Variants in PLCG2 observed in about 807,000 individuals in gnomAD.
The protein encoded by PLCG2 is 1-phosphatidylinositol 4,5-bisphosphate phosphodiesterase gamma-2.
PLCG2 carries 69 observed loss-of-function variants against 175.6 expected under a neutral mutation model. The ratio of observed to expected loss-of-function variants is 0.39; its 90% CI spans 0.32 to 0.48. The LOEUF (loss-of-function observed/expected upper bound fraction) is 0.48. Among genes scored for constraint, PLCG2 ranks in the 20% least tolerant of loss-of-function variants. PLCG2 has a pLI of 0.91. For missense variants in PLCG2, 1,798 were observed against 1,650.9 expected (o/e 1.09, Z -1.54); for synonymous variants, 827 against 624.0 (o/e 1.33, Z -4.85).
intron 2 of PLCG2, among the ~76,000 whole-genome samples, chr16:81,765,554 C>T (rs1352411029): frequency 6.6e-6 from 1 of 152,244 alleles, no homozygotes; most frequent in African/African-American, 2.4e-5. Context: ...TTGCTTGGAC[C>T]CGAGAAGCAG....
intron 7 of PLCG2, among the ~76,000 whole-genome samples, chr16:81,872,877 G>A (rs1005781856): frequency 2.6e-5 from 4 of 152,226 alleles, no homozygotes; most frequent in Admixed American, 6.5e-5. Context: ...AATGTTCCTA[G>A]AAGACAGTCA....
rs543220131 is a variant in PLCG2 at position 81,750,663 on chromosome 16, A to ATTTTTTTTTTTTTTTTTTTTTTTTTTTT, written c.-144-5185_-144-5184insTTTTTTTTTTTTTTTTTTTTTTTTTTTT. On this transcript the variant is annotated intron_variant, in intron 1 of 5. Transcript: ENST00000565054. ...TTAAAAAGCAGAATGGGGACTGGAGATTTTTTTTTTTTTTTTTTTTTTGAG... is the reference window on the plus strand; with the variant it reads ...TTAAAAAGCAGAATGGGGACTGGAGATTTTTTTTTTTTTTTTTTTTTTTTTTTTTTTTTTTTTTTTTTTTTTTTTTGAG... Among the ~76,000 whole-genome samples the ATTTTTTTTTTTTTTTTTTTTTTTTTTTT allele has an allele frequency of 3.9e-4, 27 of 68,464 alleles. 5 individuals are homozygous for ATTTTTTTTTTTTTTTTTTTTTTTTTTTT. The highest frequency in any genetic ancestry group is 1.1e-3 in the African/African-American group (22 of 19,862). The allele number at this position is 68,464 out of a possible 152,430, so 44.9% of individuals were successfully genotyped here.
intron 2 of PLCG2, among the ~76,000 whole-genome samples, chr16:81,758,800 C>G (rs921060306): frequency 6.6e-6 from 1 of 152,048 alleles, no homozygotes; most frequent in Non-Finnish European, 1.5e-5. Context: ...GCCTCAGCCT[C>G]CCGAGTAGCT....
chr16:81,925,812 G>A (rs943770134), intron 22 of PLCG2, among the ~76,000 whole-genome samples: 5 of 151,748 alleles, frequency 3.3e-5, no homozygotes, highest in Non-Finnish European at 7.4e-5. Flanking sequence ...GCTTGAACCT[G>A]GGAGGCGAAG....
intron 30 of PLCG2, among the ~76,000 whole-genome samples, chr16:81,944,697 A>G (rs570168981): frequency 9.2e-5 from 14 of 151,996 alleles, no homozygotes; most frequent in Non-Finnish European, 1.8e-4. Context: ...GCTAGTCTTG[A>G]ATTCCTGGCT....
chr16:81,904,693 G>C (rs2143641163), intron 14 of PLCG2, among the ~76,000 whole-genome samples: 1 of 152,316 alleles, frequency 6.6e-6, no homozygotes, highest in Admixed American at 6.5e-5. Context: ...AGCACTTACT[G>C]TCTGCTAAGT....
At chr16:81,777,567 A>G (rs1036234938), upstream of PLCG2, among the ~76,000 whole-genome samples, 1 of 152,140 alleles carries the variant, frequency 6.6e-6, no homozygotes, top group Non-Finnish European at 1.5e-5. Flanking sequence ...TCTTTAAAAA[A>G]TTGATGTGTT....
chr16:81,857,196 A>G (rs1906730135), intron 3 of PLCG2, among the ~76,000 whole-genome samples: 2 of 152,300 alleles, frequency 1.3e-5, no homozygotes, highest in Non-Finnish European at 2.9e-5. Context: ...TGTCTCCGTC[A>G]TCCCTCTCTT....
intron 2 of PLCG2, among the ~76,000 whole-genome samples, chr16:81,834,744 C>T (rs917264706): frequency 6.6e-6 from 1 of 152,172 alleles, no homozygotes; most frequent in African/African-American, 2.4e-5. Flanking sequence ...CATGGCTGCC[C>T]TTTACAAGGG....
chr16:81,918,061 A>G (rs1021802592), intron 19 of PLCG2, among the ~76,000 whole-genome samples: 1 of 152,116 alleles, frequency 6.6e-6, no homozygotes, highest in Non-Finnish European at 1.5e-5. Context: ...TTTTCTTACT[A>G]TTGAGCTGTT....
chr16:81,880,762 A>G, intron 7 of PLCG2, 148 bp from the exon 8 acceptor site: 1 of 701,294 alleles, frequency 1.4e-6, no homozygotes, highest in South Asian at 1.9e-5. Flanking sequence ...ATATTTGAAT[A>G]TTTACAACTA....
At chr16:81,931,420 GC>G in intron 24 of PLCG2, 76 bp from the exon 25 acceptor site, 1 of 1,443,200 alleles carries the variant, frequency 6.9e-7, no homozygotes, top group South Asian at 1.3e-5. Context: ...GAGAGAAACA[GC>G]TCAGGCAGGG....
chr16:81,870,605 G>C (rs1215478691), intron 6 of PLCG2, among the ~76,000 whole-genome samples: 3 of 152,180 alleles, frequency 2.0e-5, no homozygotes, highest in Non-Finnish European at 4.4e-5. Flanking sequence ...TAGGGAACGT[G>C]TGGAGGGTTT....
chr16:81,836,267 A>G (rs1905510021), intron 2 of PLCG2, among the ~76,000 whole-genome samples: 1 of 152,238 alleles, frequency 6.6e-6, no homozygotes, highest in South Asian at 2.1e-4. Flanking sequence ...TCCCAAGGTC[A>G]CACAGTAAGG....
chr16:81,897,760 G>A (rs1181204787), intron 13 of PLCG2: 2 of 446,428 alleles, frequency 4.5e-6, no homozygotes, highest in Non-Finnish European at 9.0e-6. Flanking sequence ...GGCCAGGTTG[G>A]TCTTGAACTC....
At chr16:81,782,914 A>C (rs6564918) in intron 1 of PLCG2, among the ~76,000 whole-genome samples, 116,796 of 152,150 alleles carry the variant, frequency 0.77, 45,111 homozygotes, top group South Asian at 0.88. Context: ...TGAGAGTGTA[A>C]ATTCCACCCC....
At chr16:81,834,935 G>A (rs574595814) in intron 2 of PLCG2, among the ~76,000 whole-genome samples, 75 of 152,332 alleles carry the variant, frequency 4.9e-4, no homozygotes, top group African/African-American at 1.7e-3. Flanking sequence ...CTGCAAAAGT[G>A]CCAAGTCCTT....
chr16:81,946,980 G>A (rs1911177731), intron 31 of PLCG2, among the ~76,000 whole-genome samples: 1 of 152,072 alleles, frequency 6.6e-6, no homozygotes, highest in Admixed American at 6.6e-5. Flanking sequence ...ATTGCCCGGG[G>A]AAAGGGAACC....
At chr16:81,763,795 C>G (rs1312351164) in intron 2 of PLCG2, among the ~76,000 whole-genome samples, 1 of 151,410 alleles carries the variant, frequency 6.6e-6, no homozygotes, top group Non-Finnish European at 1.5e-5. Flanking sequence ...GGTGAAACCC[C>G]ATCTCTACTA....
Sources: allele counts gnomAD v4.1 joint callset (sites outside exome capture counted in the v4.1 genomes callset), GRCh38; gene constraint gnomAD v4.1.1; transcripts MANE v1.5; gene names NCBI Gene and HGNC (gene_info 2026-07-23, HGNC 2026-07-21).